The following ETV6 variants were observed in gnomAD, a reference collection of about 807,000 sequenced individuals.
ETV6 encodes ETS variant transcription factor 6, also known as transcription factor ETV6.
In ETV6, 16 loss-of-function variants were observed where a neutral mutation model predicts 51.1. The observed-to-expected ratio is 0.31, with a 90% CI of 0.21 to 0.48. The LOEUF is 0.48. Among genes scored for constraint, ETV6 ranks in the 20% least tolerant of loss-of-function variants. The pLI, the probability that ETV6 is intolerant of heterozygous loss-of-function variation, is 0.99. For synonymous variants in ETV6, 240 were observed against 224.1 expected, an observed-to-expected ratio of 1.07 and a Z score of -0.64; for missense variants, 458 against 594.8, an observed-to-expected ratio of 0.77 and a Z score of 2.39.
intron 1 of ETV6, among the ~76,000 whole-genome samples, chr12:11,714,649 G>GAGA (rs1555117923): frequency 4.6e-5 from 4 of 87,068 alleles, no homozygotes; most frequent in African/African-American, 4.9e-5. Context: ...ACCTTGAGGT[G>GAGA]AAAAAAAAAA....
chr12:11,755,084 T>TTGGA lies in ETV6; in HGVS notation c.163+2524_163+2527dup, dbSNP rs759393841. On this transcript the variant is annotated intron_variant, in intron 2 of 7. Transcript: ENST00000396373. ...AAAGTGTGTGTTTAGTAAATATTTA[T>TTGGA]TGGATGGATGGATGGATGGATGAAT... Among the ~76,000 whole-genome samples, 53 of 152,284 alleles carry TTGGA rather than the reference T, an allele frequency of 3.5e-4. 1 individual carries two copies. The highest frequency in any genetic ancestry group is 1.0e-3 in the South Asian group (5 of 4,810).
At chr12:11,713,250 C>A (rs73288756) in intron 1 of ETV6, among the ~76,000 whole-genome samples, 1 of 152,152 alleles carries the variant, frequency 6.6e-6, no homozygotes, top group Non-Finnish European at 1.5e-5. Flanking sequence ...TTATCTGATA[C>A]AGTTCTTCTG....
chr12:11,858,315 T>C (rs1369096886), intron 4 of ETV6, among the ~76,000 whole-genome samples: 1 of 152,096 alleles, frequency 6.6e-6, no homozygotes, highest in East Asian at 1.9e-4. Context: ...AAAATAAATT[T>C]ATTTTGTCAC....
intron 2 of ETV6, 95 bp from the exon 3 acceptor site, chr12:11,839,045 T>C: frequency 7.6e-7 from 1 of 1,320,542 alleles, no homozygotes; most frequent in South Asian, 1.5e-5. Context: ...GGAGACTCAT[T>C]TTGTTAACTA....
intron 1 of ETV6, among the ~76,000 whole-genome samples, chr12:11,723,626 T>A (rs1379705170): frequency 6.6e-6 from 1 of 152,202 alleles, no homozygotes; most frequent in African/African-American, 2.4e-5. Flanking sequence ...CATTAATTAC[T>A]TGAATCTCGT....
rs140681233 is a variant in ETV6 at position 11,823,549 on chromosome 12, C to T, written c.164-15591C>T. 1.4e-4 allele frequency among the ~76,000 whole-genome samples: 21 copies of T among 151,596 alleles called. No homozygotes were observed. In the East Asian group the frequency reaches 3.9e-3, roughly 28 times the overall value. On this transcript the variant is annotated intron_variant, in intron 2 of 7. Transcript: ENST00000396373. ...TGGTACGATCTCTGCTCACTGCAAC[C>T]TCTGCCTCCCAGGTGGAAATGATTC...
At chr12:11,782,969 A>G (rs1219974385) in intron 2 of ETV6, among the ~76,000 whole-genome samples, 3 of 152,112 alleles carry the variant, frequency 2.0e-5, no homozygotes, top group African/African-American at 4.8e-5. Context: ...AATAGGGGAG[A>G]GAAGGGATGT....
At chr12:11,791,577 G>C (rs1036470732) in intron 2 of ETV6, among the ~76,000 whole-genome samples, 1 of 152,142 alleles carries the variant, frequency 6.6e-6, no homozygotes, top group African/African-American at 2.4e-5. Flanking sequence ...CTTTGTATTC[G>C]TGTCCAGTTG....
At chr12:11,831,974 CT>C (rs1177889229) in intron 2 of ETV6, among the ~76,000 whole-genome samples, 2 of 152,154 alleles carry the variant, frequency 1.3e-5, no homozygotes, top group Non-Finnish European at 2.9e-5. Flanking sequence ...GCCAATTTAT[CT>C]TCTCACTGTT....
At chr12:11,791,661 T>C (rs768176921) in intron 2 of ETV6, among the ~76,000 whole-genome samples, 2 of 152,246 alleles carry the variant, frequency 1.3e-5, no homozygotes, top group Non-Finnish European at 2.9e-5. Flanking sequence ...CAGATAGTTA[T>C]ATTTTTGTTT....
chr12:11,826,536 T>C (rs1407103180), intron 2 of ETV6: 3 of 152,260 alleles, frequency 2.0e-5, no homozygotes, highest in Admixed American at 6.5e-5. Context: ...GAGTCTGCCC[T>C]TAAAACTCAA....
intron 2 of ETV6, among the ~76,000 whole-genome samples, chr12:11,753,962 G>A (rs1302302066): frequency 6.6e-6 from 1 of 152,200 alleles, no homozygotes; most frequent in Non-Finnish European, 1.5e-5. Context: ...AACTGTAAAG[G>A]TGCCAGGGTC....
intron 3 of ETV6, among the ~76,000 whole-genome samples, chr12:11,846,364 A>C (rs1946463932): frequency 6.6e-6 from 1 of 152,220 alleles, no homozygotes; most frequent in Non-Finnish European, 1.5e-5. Context: ...GCAAATCATC[A>C]CCTGAAAAAT....
At chr12:11,884,319 G>C (rs901765969) in intron 5 of ETV6, 126 bp from the exon 6 acceptor site, 53 of 1,047,608 alleles carry the variant, frequency 5.1e-5, no homozygotes, top group Non-Finnish European at 7.1e-5. Flanking sequence ...AAACAAGGAA[G>C]TTAGTTAGAC....
chr12:11,751,619 T>G (rs953289228), intron 1 of ETV6, among the ~76,000 whole-genome samples: 4 of 152,230 alleles, frequency 2.6e-5, no homozygotes, highest in Admixed American at 6.5e-5. Context: ...TTTTAATTGA[T>G]CTAACAAACA....
intron 1 of ETV6, among the ~76,000 whole-genome samples, chr12:11,661,037 T>A (rs1272799662): frequency 6.6e-6 from 1 of 152,224 alleles, no homozygotes; most frequent in African/African-American, 2.4e-5. Flanking sequence ...TCACCCATGC[T>A]GAACTACAGT....
chr12:11,859,964 C>G (rs1286478764), intron 4 of ETV6, among the ~76,000 whole-genome samples: 1 of 152,130 alleles, frequency 6.6e-6, no homozygotes, highest in Non-Finnish European at 1.5e-5. Flanking sequence ...TGAGTTGGAC[C>G]GAATTCACCC....
At chr12:11,719,648 T>G (rs1235402927) in intron 1 of ETV6, among the ~76,000 whole-genome samples, 1 of 152,206 alleles carries the variant, frequency 6.6e-6, no homozygotes, top group African/African-American at 2.4e-5. Flanking sequence ...AGGGAGGAAC[T>G]TGATGGGCTG....
chr12:11,701,730 G>A (rs138228018), intron 1 of ETV6, among the ~76,000 whole-genome samples: 60 of 152,278 alleles, frequency 3.9e-4, no homozygotes, highest in African/African-American at 1.2e-3. Flanking sequence ...AGAGAAAACC[G>A]GGTACTCAGC....
Sources: gnomAD v4.1 joint callset for allele counts (sites outside exome capture counted in the v4.1 genomes callset) on GRCh38, gnomAD v4.1.1 for gene constraint, MANE v1.5 for transcripts, NCBI Gene and HGNC (gene_info 2026-07-23, HGNC 2026-07-21) for gene names.